Variants in ADORA2B observed in about 807,000 individuals in gnomAD.
ADORA2B encodes the protein adenosine receptor A2b.
Under a neutral mutation model 20.8 loss-of-function variants are expected in ADORA2B, and 18 were observed. The observed-to-expected ratio is 0.87, with a 90% CI of 0.60 to 1.29. The LOEUF (loss-of-function observed/expected upper bound fraction) is 1.29. Among genes scored for constraint, ADORA2B ranks in the 50% most tolerant of loss-of-function variants. The probability of loss-of-function intolerance (pLI) is 0.00; values close to 1 mark genes in which losing one functional copy is unlikely to be tolerated. For synonymous variants in ADORA2B, 179 were observed against 178.3 expected, an observed-to-expected ratio of 1.00 and a Z score of -0.03; for missense variants, 441 against 422.7, an observed-to-expected ratio of 1.04 and a Z score of -0.38.
chr17:15,959,271 A>C (rs1416363916), intron 1 of ADORA2B, among the ~76,000 whole-genome samples: 11 of 152,220 alleles, frequency 7.2e-5, no homozygotes, highest in Admixed American at 7.2e-4. Context: ...TAAAAATTAC[A>C]AAATGAGTAC....
intron 1 of ADORA2B, among the ~76,000 whole-genome samples, chr17:15,964,732 G>A (rs73276038): frequency 0.041 from 6,190 of 150,502 alleles, 507 homozygotes; most frequent in African/African-American, 0.14. Context: ...TTATAGTTTG[G>A]TACCATAGGA....
At chr17:15,872,758 C>T in the ADORA2B span, among the ~76,000 whole-genome samples, 1 of 152,130 alleles carries the variant, frequency 6.6e-6, no homozygotes, top group Admixed American at 6.5e-5. Flanking sequence ...GATTTTGTAA[C>T]CTGAGACTTG....
At chr17:15,902,720 A>G in the ADORA2B span, among the ~76,000 whole-genome samples, 1 of 152,150 alleles carries the variant, frequency 6.6e-6, no homozygotes, top group Admixed American at 6.5e-5. Context: ...ACCAAACCAC[A>G]TGGGAGGATG....
the ADORA2B span, among the ~76,000 whole-genome samples, chr17:15,886,553 A>G: frequency 7.7e-6 from 1 of 130,156 alleles, no homozygotes; most frequent in Non-Finnish European, 1.6e-5. Flanking sequence ...GGTGGGGCTT[A>G]GGGGGACTGC....
At chr17:15,905,284 T>TGGGG in the ADORA2B span, among the ~76,000 whole-genome samples, 9 of 146,738 alleles carry the variant, frequency 6.1e-5, no homozygotes, top group African/African-American at 2.3e-4. Flanking sequence ...TTGTTGTTGT[T>TGGGG]GGGGGGGGGT....
At chr17:15,892,192 G>A in the ADORA2B span, among the ~76,000 whole-genome samples, 7 of 150,888 alleles carry the variant, frequency 4.6e-5, no homozygotes, top group East Asian at 1.4e-3. Context: ...GTTTGAGATA[G>A]AGTTTCACTC....
chr17:15,957,551 G>T (rs1192722329), intron 1 of ADORA2B, among the ~76,000 whole-genome samples: 1 of 152,130 alleles, frequency 6.6e-6, no homozygotes, highest in Non-Finnish European at 1.5e-5. Flanking sequence ...CCAGATTTCC[G>T]GTCGCCTGGG....
chr17:15,903,202 G>T, the ADORA2B span, among the ~76,000 whole-genome samples: 2 of 152,116 alleles, frequency 1.3e-5, no homozygotes, highest in Admixed American at 6.5e-5. Flanking sequence ...TCTATTTTGG[G>T]TCTGGCTTTT....
the ADORA2B span, among the ~76,000 whole-genome samples, chr17:15,933,224 G>A: frequency 1.3e-5 from 2 of 152,066 alleles, no homozygotes; most frequent in Admixed American, 6.6e-5. Flanking sequence ...CAAAGTGTTG[G>A]GATTACAGGC....
rs142684443 is a variant in ADORA2B, at chr17:15,949,371, G to A, written c.335+3788G>A. Among the ~76,000 whole-genome samples, 254 of 151,346 alleles carry A rather than the reference G, an allele frequency of 1.7e-3. 3 individuals carry two copies. The highest frequency in any genetic ancestry group is 0.013 in the Admixed American group (201 of 15,134). On this transcript the variant is annotated intron_variant, in intron 1 of 1. Transcript: ENST00000304222. ...CTACTAAAAATACAAAAATTGGCTG[G>A]GTGTGGTGGTACACGCTTGTAATCC...
At chr17:15,868,955 G>A in the ADORA2B span, among the ~76,000 whole-genome samples, 7 of 151,302 alleles carry the variant, frequency 4.6e-5, no homozygotes, top group Non-Finnish European at 1.0e-4. Flanking sequence ...TGGAGTAGGA[G>A]CTGCCATTTA....
chr17:15,940,889 C>T (rs1040521373), upstream of ADORA2B, among the ~76,000 whole-genome samples: 1 of 152,224 alleles, frequency 6.6e-6, no homozygotes, highest in Non-Finnish European at 1.5e-5. Flanking sequence ...GCAATGCTTG[C>T]AGCTGTGGCA....
chr17:15,937,237 A>G, the ADORA2B span, among the ~76,000 whole-genome samples: 3 of 152,154 alleles, frequency 2.0e-5, no homozygotes, highest in Non-Finnish European at 4.4e-5. Flanking sequence ...TGTTTAGTGA[A>G]TTTCCTGGAC....
Position 15,975,451 on chromosome 17 carries a change from C to A in ADORA2B, c.*109C>A. Reference sequence around the variant, plus strand: ...CTACACCTCACAAGGAAATGGACTGCCTCTCTTGAGCACTTCCCTGGAGCT... The same window carrying A: ...CTACACCTCACAAGGAAATGGACTGACTCTCTTGAGCACTTCCCTGGAGCT... On this transcript the variant is annotated 3_prime_UTR_variant, in exon 2 of 2. Transcript: ENST00000304222. 8.3e-7 allele frequency: 1 copy of A among 1,207,594 alleles called. No homozygotes were observed. Among genetic ancestry groups the A allele is most frequent in the Non-Finnish European group, 1.2e-6 (1 of 866,180 alleles). 74.8% of individuals were successfully genotyped at this position (1,207,594 alleles called of 1,614,324 possible). A position where few individuals can be genotyped will look rare whatever the true frequency, so the allele number is the denominator to read the frequency against.
the ADORA2B span, among the ~76,000 whole-genome samples, chr17:15,904,921 T>A: frequency 6.6e-6 from 1 of 152,236 alleles, no homozygotes; most frequent in Non-Finnish European, 1.5e-5. Flanking sequence ...TATAATCTGT[T>A]CCTTACCAAT....
the ADORA2B span, among the ~76,000 whole-genome samples, chr17:15,903,378 A>G: frequency 5.1e-4 from 77 of 152,388 alleles, 1 homozygote; most frequent in Non-Finnish European, 4.4e-5. Context: ...GTGGTTACCC[A>G]CTTTAGGCTG....
At chr17:15,914,991 A>C in the ADORA2B span, among the ~76,000 whole-genome samples, 12 of 152,308 alleles carry the variant, frequency 7.9e-5, no homozygotes, top group African/African-American at 2.6e-4. Flanking sequence ...TGGCTGTTGT[A>C]ACAAATTATC....
At chr17:15,893,324 A>C in the ADORA2B span, among the ~76,000 whole-genome samples, 1 of 152,242 alleles carries the variant, frequency 6.6e-6, no homozygotes, top group African/African-American at 2.4e-5. Flanking sequence ...GATAATTTGC[A>C]ATGAGTAACT....
At chr17:15,904,225 C>T in the ADORA2B span, among the ~76,000 whole-genome samples, 1 of 151,978 alleles carries the variant, frequency 6.6e-6, no homozygotes, top group East Asian at 1.9e-4. Flanking sequence ...AGTGATTCTC[C>T]CACCTCGGTC....
Sources: allele counts gnomAD v4.1 joint callset (sites outside exome capture counted in the v4.1 genomes callset), GRCh38; gene constraint gnomAD v4.1.1; transcripts MANE v1.5; gene names NCBI Gene and HGNC (gene_info 2026-07-23, HGNC 2026-07-21).